Variants in MYO5A observed in about 807,000 individuals in gnomAD.
MYO5A encodes the protein myosin VA.
A neutral mutation model predicts 249.7 loss-of-function variants in MYO5A; 98 were observed. The observed-to-expected ratio is 0.39, with a 90% CI of 0.33 to 0.46. The LOEUF is 0.46. MYO5A is among the 20% of genes least tolerant of loss of function. The pLI is 0.98. For synonymous variants in MYO5A, 778 were observed against 810.6 expected, an observed-to-expected ratio of 0.96 and a Z score of 0.68; for missense variants, 1,696 against 2,308.8, an observed-to-expected ratio of 0.73 and a Z score of 5.44.
chr15:52,457,882 T>G (rs2076151759), intron 1 of MYO5A, among the ~76,000 whole-genome samples: 1 of 152,084 alleles, frequency 6.6e-6, no homozygotes, highest in Non-Finnish European at 1.5e-5. Flanking sequence ...ACAGATCAAC[T>G]GATAAAGTGT....
At chr15:52,402,537 A>G (rs1047881012) in intron 9 of MYO5A, among the ~76,000 whole-genome samples, 1 of 152,124 alleles carries the variant, frequency 6.6e-6, no homozygotes, top group Non-Finnish European at 1.5e-5. Flanking sequence ...GAGATGTCTT[A>G]CCAGTAACTT....
chr15:52,321,537 A>G (rs747168324), intron 37 of MYO5A, 28 bp from the exon 38 acceptor site: 1 of 1,611,788 alleles, frequency 6.2e-7, no homozygotes, highest in Non-Finnish European at 8.5e-7. Context: ...AGTTAATGAT[A>G]CACATGAAGT....
intron 1 of MYO5A, among the ~76,000 whole-genome samples, chr15:52,434,590 T>G (rs1215507661): frequency 6.6e-6 from 1 of 152,120 alleles, no homozygotes; most frequent in Non-Finnish European, 1.5e-5. Flanking sequence ...AGCAAATATT[T>G]TGCCTCAACT....
intron 38 of MYO5A, among the ~76,000 whole-genome samples, chr15:52,320,504 A>G (rs537136485): frequency 6.6e-6 from 1 of 152,262 alleles, no homozygotes; most frequent in Non-Finnish European, 1.5e-5. Flanking sequence ...ATTTTTGCCA[A>G]CCTAGGGTGC....
At chr15:52,342,734 G>A (rs1234562119) in intron 31 of MYO5A, among the ~76,000 whole-genome samples, 2 of 152,050 alleles carry the variant, frequency 1.3e-5, no homozygotes, top group Non-Finnish European at 2.9e-5. Context: ...GGCCAACATG[G>A]TGAAACCCCG....
In MYO5A at chr15:52,485,259, TAAAAAAAA is replaced by T. The variant is rs72085613; in HGVS notation, c.27+43513_27+43520del. ...AAAAGAGAATAAAGAATTCACTATG[TAAAAAAAA>T]AAAAAAAAAAAACAAGACTGTCAGG... On this transcript the variant is annotated intron_variant, in intron 1 of 41. Transcript: ENST00000399233. Among the ~76,000 whole-genome samples, 33 of 102,746 alleles carry T rather than the reference TAAAAAAAA, an allele frequency of 3.2e-4. 1 individual carries two copies. Among genetic ancestry groups the T allele is most frequent in the African/African-American group, 9.3e-4 (26 of 27,832 alleles). 67.4% of individuals were successfully genotyped at this position (102,746 alleles called of 152,430 possible). A position where few individuals can be genotyped will look rare whatever the true frequency, so the allele number is the denominator to read the frequency against.
chr15:52,353,546 T>C (rs2040055637), intron 27 of MYO5A, 59 bp downstream of exon 27: 1 of 1,418,526 alleles, frequency 7.0e-7, no homozygotes, highest in Admixed American at 1.7e-5. Context: ...AGAGAGGCTC[T>C]GAATGGGCCT....
At chr15:52,329,905 A>ATTTTTTTTTTTT (rs58058940) in intron 35 of MYO5A, among the ~76,000 whole-genome samples, 10 of 119,724 alleles carry the variant, frequency 8.4e-5, no homozygotes, top group Admixed American at 1.6e-4. Context: ...CGCCTGGGTA[A>ATTTTTTTTTTTT]TTTTTTTTTT....
At chr15:52,385,155 T>C (rs1013168361) in intron 14 of MYO5A, among the ~76,000 whole-genome samples, 1 of 152,212 alleles carries the variant, frequency 6.6e-6, no homozygotes, top group Non-Finnish European at 1.5e-5. Flanking sequence ...AACATCTTGA[T>C]GTATGTACAT....
chr15:52,515,225 T>C (rs1595828975), intron 1 of MYO5A, among the ~76,000 whole-genome samples: 2 of 150,768 alleles, frequency 1.3e-5, no homozygotes, highest in South Asian at 4.2e-4. Context: ...TGCAGTGAGC[T>C]ATGATCACGT....
intron 25 of MYO5A, among the ~76,000 whole-genome samples, chr15:52,358,917 A>G (rs1292776201): frequency 2.6e-5 from 4 of 152,202 alleles, no homozygotes; most frequent in Non-Finnish European, 5.9e-5. Context: ...TTAGCTATAG[A>G]TAGAAAAGGG....
At chr15:52,467,441 C>T (rs1448752327) in intron 1 of MYO5A, among the ~76,000 whole-genome samples, 2 of 152,034 alleles carry the variant, frequency 1.3e-5, no homozygotes, top group Admixed American at 1.3e-4. Flanking sequence ...AATCTCAAAA[C>T]TTGAAGACAA....
Position 52,331,441 on chromosome 15 carries a change from C to T in MYO5A, c.4409-942G>A, listed in dbSNP as rs568681064. On this transcript the variant is annotated intron_variant, in intron 34 of 41. Coordinates refer to ENST00000399233, the MANE Select transcript of MYO5A (RefSeq NM_001382347.1). The stretch of plus-strand genomic sequence containing the variant: ...TTACCACAGCCACTGTGGAGATACA[C>T]GCTAGTAACCAGGTTTTTTATCCTT... 5.9e-5 allele frequency among the ~76,000 whole-genome samples: 9 copies of T among 152,250 alleles called. No homozygotes were observed. The South Asian group carries it at 8.3e-4, about 14-fold the overall frequency.
At position 52,513,152 on chromosome 15, in the gene MYO5A, C is replaced by T. The variant is rs1254385572; in HGVS notation, c.27+15628G>A. ...TCACCAGGCTACAGAATAAGCTGGC[C>T]GGGTGCGGTGGCTCACACCCGTAAT... On this transcript the variant is annotated intron_variant, in intron 1 of 41. Transcript: ENST00000399233. Among the ~76,000 whole-genome samples, 6 of 151,600 alleles carry T rather than the reference C, an allele frequency of 4.0e-5. No individual in the cohort carries two copies. The South Asian group carries it at 8.3e-4, about 21-fold the overall frequency.
rs78378353 is a variant in MYO5A at position 52,355,947 on chromosome 15, T to C, written c.3424-1933A>G. On this transcript the variant is annotated intron_variant, in intron 25 of 41. Coordinates refer to ENST00000399233, the MANE Select transcript of MYO5A (RefSeq NM_001382347.1). Reference sequence around the variant, plus strand: ...AACTGGTTCCAAAACAGAATCACAATGAGACCTACTAGGATAAATAAAGGT... The same window carrying C: ...AACTGGTTCCAAAACAGAATCACAACGAGACCTACTAGGATAAATAAAGGT... Among the ~76,000 whole-genome samples the C allele has an allele frequency of 2.3e-3, 350 of 152,248 alleles. 2 individuals are homozygous for C. Among genetic ancestry groups the C allele is most frequent in the African/African-American group, 8.1e-3 (337 of 41,548 alleles).
chr15:52,420,140 T>C (rs2043717943), intron 4 of MYO5A, among the ~76,000 whole-genome samples: 1 of 151,988 alleles, frequency 6.6e-6, no homozygotes, highest in African/African-American at 2.4e-5. Context: ...ATTCCATCTC[T>C]ACAAGAAAGA....
chr15:52,390,711 C>A (rs1400267365), intron 12 of MYO5A, among the ~76,000 whole-genome samples: 1 of 152,024 alleles, frequency 6.6e-6, no homozygotes, highest in Admixed American at 6.6e-5. Context: ...AGGTGCACAC[C>A]ACCATGCCCA....
intron 8 of MYO5A, among the ~76,000 whole-genome samples, chr15:52,405,689 T>C (rs574081269): frequency 3.9e-5 from 6 of 152,330 alleles, no homozygotes; most frequent in African/African-American, 1.4e-4. Flanking sequence ...GCTTCCATTT[T>C]CTCATTTGAG....
At position 52,483,851 on chromosome 15, in the gene MYO5A, T is replaced by A. The variant is rs2076764999; in HGVS notation, c.27+44929A>T. Among the ~76,000 whole-genome samples, 3 of 152,208 alleles carry A rather than the reference T, an allele frequency of 2.0e-5. No homozygotes were observed. In the South Asian group the frequency reaches 6.2e-4, roughly 32 times the overall value. On this transcript the variant is annotated intron_variant, in intron 1 of 41. Coordinates refer to ENST00000399233, the MANE Select transcript of MYO5A (RefSeq NM_001382347.1). ...ATAACACAACGATTTAGAAAAACAGTCTGCTCTATACAGCTAATGTCACAC... is the reference window on the plus strand; with the variant it reads ...ATAACACAACGATTTAGAAAAACAGACTGCTCTATACAGCTAATGTCACAC...
Sources: gnomAD v4.1 joint callset for allele counts (sites outside exome capture counted in the v4.1 genomes callset) on GRCh38, gnomAD v4.1.1 for gene constraint, MANE v1.5 for transcripts, NCBI Gene and HGNC (gene_info 2026-07-23, HGNC 2026-07-21) for gene names.